The following C7orf78 variants were observed in gnomAD, a reference collection of about 807,000 sequenced individuals.
C7orf78 encodes the protein chromosome 7 open reading frame 78.
chr7:12,503,737 G>T, the C7orf78 span, among the ~76,000 whole-genome samples: 1 of 151,948 alleles, frequency 6.6e-6, no homozygotes, highest in African/African-American at 2.4e-5. Context: ...ATTTTAAAAA[G>T]TTTTTTTAAC....
the C7orf78 span, among the ~76,000 whole-genome samples, chr7:12,497,714 A>G: frequency 6.6e-6 from 1 of 151,948 alleles, no homozygotes; most frequent in African/African-American, 2.4e-5. Context: ...GGGAAGCTCG[A>G]ACTGGGTGGA....
the C7orf78 span, among the ~76,000 whole-genome samples, chr7:12,534,648 T>A: frequency 9.9e-5 from 15 of 152,212 alleles, no homozygotes; most frequent in African/African-American, 3.6e-4. Context: ...GAAATAGGCA[T>A]GTAATCCAAT....
At chr7:12,517,162 A>T in the C7orf78 span, among the ~76,000 whole-genome samples, 1 of 152,100 alleles carries the variant, frequency 6.6e-6, no homozygotes, top group South Asian at 2.1e-4. Context: ...AATTTGAATC[A>T]TGGGTGCAGT....
the C7orf78 span, among the ~76,000 whole-genome samples, chr7:12,540,743 A>T: frequency 6.6e-6 from 1 of 152,204 alleles, no homozygotes; most frequent in Non-Finnish European, 1.5e-5. Context: ...TTTTGTTATC[A>T]TGCCTTTATA....
chr7:12,511,901 A>G, the C7orf78 span, among the ~76,000 whole-genome samples: 1,095 of 123,370 alleles, frequency 8.9e-3, 6 homozygotes, highest in South Asian at 0.012. Context: ...ACAGGCGCCC[A>G]CCACCACACC....
the C7orf78 span, among the ~76,000 whole-genome samples, chr7:12,527,841 T>A: frequency 1.3e-5 from 2 of 150,102 alleles, no homozygotes; most frequent in Non-Finnish European, 3.0e-5. Flanking sequence ...GTCACTCACT[T>A]TGGTAGAAAA....
the C7orf78 span, chr7:12,529,028 G>C: frequency 5.0e-6 from 2 of 398,390 alleles, no homozygotes; most frequent in Non-Finnish European, 4.4e-6. Flanking sequence ...TGGCCTGTTA[G>C]ATCTGCTTCA....
chr7:12,491,385 C>G, the C7orf78 span: 1 of 152,094 alleles, frequency 6.6e-6, no homozygotes, highest in African/African-American at 2.4e-5. Flanking sequence ...GCTCTATCAG[C>G]CTATGGTTTG....
the C7orf78 span, among the ~76,000 whole-genome samples, chr7:12,499,720 C>T: frequency 6.6e-6 from 1 of 151,844 alleles, no homozygotes; most frequent in East Asian, 1.9e-4. Context: ...CAGCTCTGCA[C>T]CAAGTGGACC....
chr7:12,499,374 G>C, the C7orf78 span, among the ~76,000 whole-genome samples: 2 of 152,046 alleles, frequency 1.3e-5, no homozygotes, highest in South Asian at 4.2e-4. Flanking sequence ...AAAATAAAAG[G>C]ATGGAGGAAG....
the C7orf78 span, among the ~76,000 whole-genome samples, chr7:12,506,576 G>A: frequency 1.3e-5 from 2 of 152,070 alleles, no homozygotes; most frequent in Non-Finnish European, 2.9e-5. Flanking sequence ...TCACTCATAC[G>A]TGGGAGTTCA....
At chr7:12,499,949 T>C in the C7orf78 span, among the ~76,000 whole-genome samples, 2 of 126,818 alleles carry the variant, frequency 1.6e-5, no homozygotes, top group African/African-American at 6.0e-5. Context: ...CTCATCTACA[T>C]GGAAACTGAA....
At chr7:12,486,169 A>G in the C7orf78 span, among the ~76,000 whole-genome samples, 8 of 152,128 alleles carry the variant, frequency 5.3e-5, no homozygotes, top group Non-Finnish European at 8.8e-5. Flanking sequence ...ATAATCTTGA[A>G]TAAGTTACTT....
chr7:12,495,787 CA>C, the C7orf78 span, among the ~76,000 whole-genome samples: 1 of 152,060 alleles, frequency 6.6e-6, no homozygotes, highest in Non-Finnish European at 1.5e-5. Context: ...TCCATTTATA[CA>C]AACATATGTA....
chr7:12,505,202 G>C, the C7orf78 span, among the ~76,000 whole-genome samples: 14 of 151,880 alleles, frequency 9.2e-5, no homozygotes, highest in Non-Finnish European at 1.9e-4. Context: ...GTTTTCAAAA[G>C]GCGAATATAA....
the C7orf78 span, among the ~76,000 whole-genome samples, chr7:12,496,000 A>G: frequency 1.1e-3 from 162 of 151,676 alleles, no homozygotes; most frequent in African/African-American, 3.8e-3. Flanking sequence ...ATCTCGGCTC[A>G]CTGCAAGCTC....
chr7:12,499,657 A>G, the C7orf78 span, among the ~76,000 whole-genome samples: 1 of 151,544 alleles, frequency 6.6e-6, no homozygotes, highest in Non-Finnish European at 1.5e-5. Context: ...CACTGTCAAC[A>G]TTAGACAGAT....
the C7orf78 span, among the ~76,000 whole-genome samples, chr7:12,515,444 A>G: frequency 7.9e-5 from 12 of 152,174 alleles, no homozygotes; most frequent in Admixed American, 4.6e-4. Context: ...TCCCAGTCTC[A>G]GATATGTCTT....
chr7:12,516,649 C>T, the C7orf78 span, among the ~76,000 whole-genome samples: 1 of 152,178 alleles, frequency 6.6e-6, no homozygotes, highest in African/African-American at 2.4e-5. Flanking sequence ...CCCTGCAAAG[C>T]CACAGGGGAG....
Sources: gnomAD v4.1 joint callset for allele counts (sites outside exome capture counted in the v4.1 genomes callset) on GRCh38, gnomAD v4.1.1 for gene constraint, MANE v1.5 for transcripts, NCBI Gene and HGNC (gene_info 2026-07-23, HGNC 2026-07-21) for gene names.